PNPLA2: variants seen among roughly 807,000 people sequenced by gnomAD.
PNPLA2 encodes the protein patatin like domain 2, triacylglycerol lipase.
In PNPLA2, 28 loss-of-function variants were observed where a neutral mutation model predicts 39.7. The ratio of observed to expected loss-of-function variants is 0.70; its 90% CI spans 0.52 to 0.97. PNPLA2 has a LOEUF of 0.97. Ranked by LOEUF, PNPLA2 falls within the 50% of genes least tolerant of loss-of-function variation. PNPLA2 has a pLI of 0.00. For synonymous variants in PNPLA2, 392 were observed against 321.1 expected (o/e 1.22, Z -2.36); for missense variants, 768 against 698.2 (o/e 1.10, Z -1.13).
At chr11:822,270 T>C (rs1387210174) in intron 4 of PNPLA2, 127 bp from the exon 5 acceptor site, 4 of 909,028 alleles carry the variant, frequency 4.4e-6, no homozygotes, top group Non-Finnish European at 7.1e-6. Context: ...CAGTGCCCAG[T>C]GGGTAAAACG....
In PNPLA2 at chr11:822,626, C is replaced by T. The variant is rs778684842; in HGVS notation, c.696+20C>T. On this transcript the variant is annotated intron_variant, in intron 5 of 9. Coordinates refer to ENST00000336615, the MANE Select transcript of PNPLA2 (RefSeq NM_020376.4). ...CCCCTGGTGAGCTCTGCTCCGAGGA[C>T]TGTGGCCTTCCCAGCCACTCCTCAC... 2.5e-6 allele frequency: 4 copies of T among 1,589,382 alleles called. No individual in the cohort carries two copies. The South Asian group carries it at 3.3e-5, about 13-fold the overall frequency.
In PNPLA2 at chr11:824,556, G is replaced by A. The variant is rs760560356; in HGVS notation, c.1209G>A (p.Gln403=). 4 of 1,561,820 alleles carry A rather than the reference G, an allele frequency of 2.6e-6. No homozygotes were observed. The highest frequency in any genetic ancestry group is 2.6e-6 in the Non-Finnish European group (3 of 1,157,858). Residue 403 remains glutamine, a synonymous_variant, in exon 10 of 10, where the codon CAG becomes CAA. Coordinates refer to ENST00000336615, the MANE Select transcript of PNPLA2 (RefSeq NM_020376.4). ...AGCAGGTGGAGCTGCGCCGCGTCCA[G>A]TCGCTGCCGTCCGTGCCGCTGTCCT... ...LPEQVELRRV[Q]SLPSVPLSCA...
Position 824,987 on chromosome 11 carries a change from CTGCA to C in PNPLA2, c.*130_*133del, listed in dbSNP as rs398054898. 547,596 of 795,266 alleles carry C rather than the reference CTGCA, an allele frequency of 0.69. 192,035 individuals carry two copies. The highest frequency in any genetic ancestry group is 0.76 in the Admixed American group (37,169 of 49,200). The allele number at this position is 795,266 out of a possible 1,614,324, so 49.3% of individuals were successfully genotyped here. A position where few individuals can be genotyped will look rare whatever the true frequency, so the allele number is the denominator to read the frequency against. On this transcript the variant is annotated 3_prime_UTR_variant, in exon 10 of 10. Coordinates refer to ENST00000336615, the MANE Select transcript of PNPLA2 (RefSeq NM_020376.4). ...GGCCCCCTCGCCAGCCACTCACCAGCTGCATGCACTGAGAGGGGAGGTTTCCACA... is the reference window on the plus strand; with the variant it reads ...GGCCCCCTCGCCAGCCACTCACCAGCTGCACTGAGAGGGGAGGTTTCCACA...
chr11:822,435 C>CT lies in PNPLA2; in HGVS notation c.526dup (p.Tyr176LeufsTer2). 1 of 1,614,112 alleles carries CT rather than the reference C, an allele frequency of 6.2e-7. No homozygotes were observed. The highest frequency in any genetic ancestry group is 1.1e-5 in the South Asian group (1 of 91,080). On this transcript the variant is annotated frameshift_variant, in exon 5 of 10. Transcript: ENST00000336615. LOFTEE classifies it high-confidence loss of function. Reference sequence around the variant, plus strand: ...GTGGCATTTCAGACAACCTGCCACTCTATGAGCTTAAGAACACCATCACAG... The same window carrying CT: ...GTGGCATTTCAGACAACCTGCCACTCTTATGAGCTTAAGAACACCATCACAG...
In PNPLA2 at chr11:823,590, G is replaced by T; in HGVS notation, c.757+3G>T. The T allele has an allele frequency of 6.2e-7, 1 of 1,610,020 alleles. No homozygotes were observed. The stretch of plus-strand genomic sequence containing the variant: ...CCTGCGCTTTCTGCAGCGGAACGGT[G>T]CGCGGACCCGGGCGGGAGAGGGCGG... On this transcript the variant is annotated splice_donor_region_variant and intron_variant, in intron 6 of 9. Coordinates refer to ENST00000336615, the MANE Select transcript of PNPLA2 (RefSeq NM_020376.4).
In PNPLA2 at chr11:819,648, C is replaced by T; in HGVS notation, c.-71C>T. On this transcript the variant is annotated 5_prime_UTR_variant, in exon 2 of 10. Transcript: ENST00000336615. ...CTGCCCGGCCCCCGGCTCCAGCGAG[C>T]GAGCGGCGAGCAGGCGGCTCACAGA... The T allele has an allele frequency of 1.4e-6, 2 of 1,394,298 alleles. No individual in the cohort carries two copies. Among genetic ancestry groups the T allele is most frequent in the Non-Finnish European group, 1.9e-6 (2 of 1,062,544 alleles). The allele number at this position is 1,394,298 out of a possible 1,614,324, so 86.4% of individuals were successfully genotyped here. A position where few individuals can be genotyped will look rare whatever the true frequency, so the allele number is the denominator to read the frequency against.
At chr11:822,835 T>TTG in intron 5 of PNPLA2, among the ~76,000 whole-genome samples, 2 of 151,130 alleles carry the variant, frequency 1.3e-5, no homozygotes, top group South Asian at 4.2e-4. Context: ...TTTTTTTTTT[T>TTG]TTTGTTTGAG....
At chr11:821,898 G>C in intron 3 of PNPLA2, 38 bp downstream of exon 3, 1 of 1,609,458 alleles carries the variant, frequency 6.2e-7, no homozygotes, top group Non-Finnish European at 8.5e-7. Flanking sequence ...GGCGGTGGGG[G>C]GGGCAGTGGG....
chr11:821,918 G>T (rs1845679074), intron 3 of PNPLA2, 40 bp from the exon 4 acceptor site: 1 of 1,610,990 alleles, frequency 6.2e-7, no homozygotes, highest in East Asian at 2.2e-5. Context: ...GAACCTCAAG[G>T]CCTCTGCTCA....
chr11:822,688 G>A, intron 5 of PNPLA2, 82 bp downstream of exon 5: 2 of 1,199,972 alleles, frequency 1.7e-6, no homozygotes, highest in Non-Finnish European at 2.5e-6. Context: ...TTTGACTTCT[G>A]AGTGCCCAGG....
At chr11:822,323 TG>T in intron 4 of PNPLA2, 73 bp from the exon 5 acceptor site, 1 of 1,333,382 alleles carries the variant, frequency 7.5e-7, no homozygotes. Flanking sequence ...GGTGGCCGGG[TG>T]GGGTGGCTGG....
intron 2 of PNPLA2, among the ~76,000 whole-genome samples, 159 bp downstream of exon 2, chr11:820,064 GT>G (rs1479077465): frequency 6.6e-6 from 1 of 152,198 alleles, no homozygotes; most frequent in Non-Finnish European, 1.5e-5. Context: ...TCCAATCCGG[GT>G]CGCTGGCCTG....
At chr11:820,015 G>A (rs1418183687) in intron 2 of PNPLA2, 110 bp downstream of exon 2, 1 of 845,142 alleles carries the variant, frequency 1.2e-6, no homozygotes, top group Admixed American at 4.3e-5. Context: ...GGGTACCGTG[G>A]GGAGGGTTCC....
Position 819,317 on chromosome 11 carries a change from T to A in PNPLA2, c.-145-257T>A, listed in dbSNP as rs917408440. On this transcript the variant is annotated intron_variant, in intron 1 of 9. Transcript: ENST00000336615. ...TGTGTGAGGCTTCCGGCCCCCAGGC[T>A]CGGGCCTGCGCCCAGCCCACCCTAC... 17 of 673,952 alleles carry A rather than the reference T, an allele frequency of 2.5e-5. No individual in the cohort carries two copies. In the African/African-American group the frequency reaches 3.1e-4, roughly 12 times the overall value. The allele number at this position is 673,952 out of a possible 1,614,324, so 41.7% of individuals were successfully genotyped here.
In PNPLA2 at chr11:819,557, C is replaced by A; in HGVS notation, c.-145-17C>A. 1.5e-6 allele frequency: 2 copies of A among 1,291,732 alleles called. No homozygotes were observed. The highest frequency in any genetic ancestry group is 2.0e-6 in the Non-Finnish European group (2 of 1,018,236). 80.0% of individuals were successfully genotyped at this position (1,291,732 alleles called of 1,614,324 possible). ...AGTCCCACACTTAAAAGCGCCGCCT[C>A]CGCGCCGCCCGCGTAGCTTCTTCGC... is the stretch of plus-strand genomic sequence containing the variant. On this transcript the variant is annotated splice_polypyrimidine_tract_variant and intron_variant, in intron 1 of 9. Coordinates refer to ENST00000336615, the MANE Select transcript of PNPLA2 (RefSeq NM_020376.4).
rs1328957272 is a variant in PNPLA2 at position 824,849 on chromosome 11, C to T, written c.1502C>T (p.Ala501Val). The change falls in exon 10 of 10, where the codon GCC (alanine) becomes GTC (valine). Residue 501 changes from alanine (A) to valine (V), a missense_variant. Ala to Val is a moderately conservative substitution (Grantham distance 64, BLOSUM62 0). Coordinates refer to ENST00000336615, the MANE Select transcript of PNPLA2 (RefSeq NM_020376.4). Reference protein sequence around the residue: ...PAPEARPVIGALGL With the variant: ...PAPEARPVIGVLGL ...CCCGAGGCCCGGCCCGTGATCGGGG[C>T]CCTGGGGCTGTGAGACCCCGACCCT... The T allele has an allele frequency of 6.5e-7, 1 of 1,534,504 alleles. No individual in the cohort carries two copies. Among genetic ancestry groups the T allele is most frequent in the African/African-American group, 1.4e-5 (1 of 73,116 alleles).
chr11:824,449 CCG>C lies in PNPLA2; in HGVS notation c.1175+18_1175+19del. On this transcript the variant is annotated intron_variant, in intron 9 of 9. Coordinates refer to ENST00000336615, the MANE Select transcript of PNPLA2 (RefSeq NM_020376.4). Reference sequence around the variant, plus strand: ...ACCTGCCCTCCAGGTGAGCCGCCGACCGCGCGTCCACCCGGGGCCCGCGGTGC... The same window carrying C: ...ACCTGCCCTCCAGGTGAGCCGCCGACCGCGTCCACCCGGGGCCCGCGGTGC... 6.4e-7 allele frequency: 1 copy of C among 1,551,576 alleles called. No homozygotes were observed. The highest frequency in any genetic ancestry group is 1.2e-5 in the South Asian group (1 of 84,330).
chr11:819,744 A>G lies in PNPLA2; in HGVS notation c.26A>G (p.Asn9Ser). 4.0e-6 allele frequency: 6 copies of G among 1,506,798 alleles called. No individual in the cohort carries two copies. Among genetic ancestry groups the G allele is most frequent in the Non-Finnish European group, 5.3e-6 (6 of 1,128,094 alleles). The allele number at this position is 1,506,798 out of a possible 1,614,324, so 93.3% of individuals were successfully genotyped here. The change falls in exon 2 of 10, where the codon AAC becomes AGC. Residue 9 changes from asparagine (N) to serine (S), a missense_variant. By Grantham distance (46) the Asn-to-Ser change is conservative. Coordinates refer to ENST00000336615, the MANE Select transcript of PNPLA2 (RefSeq NM_020376.4). The stretch of plus-strand genomic sequence containing the variant: ...ATGTTTCCCCGCGAGAAGACGTGGA[A>G]CATCTCGTTCGCGGGCTGCGGCTTC... MFPREKTW[N>S]ISFAGCGFLG...
At chr11:823,379 G>A (rs1845732640) in intron 5 of PNPLA2, 148 bp from the exon 6 acceptor site, 2 of 769,938 alleles carry the variant, frequency 2.6e-6, no homozygotes, top group Non-Finnish European at 4.5e-6. Flanking sequence ...TCCCTGTACA[G>A]CTTTGATCTT....
Sources: allele counts gnomAD v4.1 joint callset (sites outside exome capture counted in the v4.1 genomes callset), GRCh38; gene constraint gnomAD v4.1.1; transcripts MANE v1.5; gene names NCBI Gene and HGNC (gene_info 2026-07-23, HGNC 2026-07-21).